The following CCSER1 variants were observed in gnomAD, a reference collection of about 807,000 sequenced individuals.
The protein encoded by CCSER1 is coiled-coil serine rich protein 1, also known as serine-rich coiled-coil domain-containing protein 1.
Under a neutral mutation model 82.0 loss-of-function variants are expected in CCSER1, and 41 were observed. The observed-to-expected ratio is 0.50, with a 90% confidence interval of 0.39 to 0.65. The LOEUF (loss-of-function observed/expected upper bound fraction) is 0.65, where lower values mean the gene tolerates loss of function less well. Among genes scored for constraint, CCSER1 ranks in the 30% least tolerant of loss-of-function variants. The probability of loss-of-function intolerance (pLI) is 0.00; values close to 1 mark genes in which losing one functional copy is unlikely to be tolerated. For missense variants in CCSER1, 1,119 were observed against 1,064.2 expected, an observed-to-expected ratio of 1.05 and a Z score of -0.72; for synonymous variants, 414 against 383.9, an observed-to-expected ratio of 1.08 and a Z score of -0.92.
intron 3 of CCSER1, among the ~76,000 whole-genome samples, chr4:90,374,870 A>T (rs1349476474): frequency 6.6e-6 from 1 of 152,118 alleles, no homozygotes; most frequent in African/African-American, 2.4e-5. Context: ...TACCAAAAAA[A>T]CCCCAATAAT....
chr4:90,704,800 C>T (rs542473459), intron 6 of CCSER1, among the ~76,000 whole-genome samples: 7 of 152,280 alleles, frequency 4.6e-5, no homozygotes, highest in African/African-American at 1.7e-4. Context: ...TCACGTAGTT[C>T]TCATGGCATG....
At chr4:91,193,093 T>C (rs1048060275) in intron 10 of CCSER1, among the ~76,000 whole-genome samples, 1 of 152,218 alleles carries the variant, frequency 6.6e-6, no homozygotes, top group Non-Finnish European at 1.5e-5. Flanking sequence ...TGTGTCTTTT[T>C]TTTCAACCCT....
intron 8 of CCSER1, among the ~76,000 whole-genome samples, chr4:90,861,977 T>C (rs1765163043): frequency 6.7e-6 from 1 of 148,714 alleles, no homozygotes; most frequent in Non-Finnish European, 1.5e-5. Context: ...ATTGGTGGGA[T>C]TGGAGTGGTA....
At chr4:90,229,659 A>G (rs1292356564) in intron 1 of CCSER1, among the ~76,000 whole-genome samples, 1 of 152,242 alleles carries the variant, frequency 6.6e-6, no homozygotes, top group African/African-American at 2.4e-5. Flanking sequence ...TGCTCCAATT[A>G]AAAGACACAG....
intron 8 of CCSER1, among the ~76,000 whole-genome samples, chr4:90,849,657 C>T (rs1465819941): frequency 9.2e-5 from 14 of 151,738 alleles, no homozygotes; most frequent in Admixed American, 3.9e-4. Flanking sequence ...GATGTGGTGG[C>T]AGGCGCCTGT....
At chr4:90,404,263 C>T (rs1177598128) in intron 4 of CCSER1, 3 of 152,202 alleles carry the variant, frequency 2.0e-5, no homozygotes, top group African/African-American at 7.2e-5. Flanking sequence ...AATATAACTC[C>T]ACTGGTCTGG....
chr4:91,545,290 C>A (rs1030377785), intron 10 of CCSER1, among the ~76,000 whole-genome samples: 11 of 152,060 alleles, frequency 7.2e-5, no homozygotes, highest in Non-Finnish European at 1.5e-4. Context: ...TGAGGTGATG[C>A]CCCGCCCTGC....
chr4:90,836,219 C>T (rs551554605), intron 8 of CCSER1, among the ~76,000 whole-genome samples: 101 of 152,158 alleles, frequency 6.6e-4, no homozygotes, highest in Non-Finnish European at 1.3e-3. Flanking sequence ...TTAATAATAA[C>T]GACAAAAACA....
At chr4:91,481,058 T>TCCCTTCCCC (rs1757881938) in intron 10 of CCSER1, among the ~76,000 whole-genome samples, 2 of 39,722 alleles carry the variant, frequency 5.0e-5, no homozygotes, top group African/African-American at 2.0e-4. Flanking sequence ...ACCCCTGCCC[T>TCCCTTCCCC]CCCTTCCCCT....
At chr4:91,113,850 A>ATTT (rs34946872) in intron 10 of CCSER1, among the ~76,000 whole-genome samples, 4 of 146,070 alleles carry the variant, frequency 2.7e-5, no homozygotes, top group Admixed American at 1.4e-4. Flanking sequence ...TGATATCTAC[A>ATTT]TTTTTTTTTT....
intron 1 of CCSER1, among the ~76,000 whole-genome samples, chr4:90,193,925 A>T (rs1736122412): frequency 6.6e-6 from 1 of 152,082 alleles, no homozygotes. Flanking sequence ...TATTTAACAT[A>T]TTTGGTGGGC....
chr4:91,592,740 A>G (rs1186434863), intron 10 of CCSER1, among the ~76,000 whole-genome samples: 1 of 151,932 alleles, frequency 6.6e-6, no homozygotes, highest in African/African-American at 2.4e-5. Context: ...TTTTCTAAGT[A>G]TAATACCAGT....
chr4:91,426,045 C>A (rs1753949542), intron 10 of CCSER1, among the ~76,000 whole-genome samples: 1 of 152,124 alleles, frequency 6.6e-6, no homozygotes, highest in Non-Finnish European at 1.5e-5. Flanking sequence ...CCTAGCCCCC[C>A]ACATCCCAAT....
At chr4:90,194,438 C>T (rs1277549101) in intron 1 of CCSER1, among the ~76,000 whole-genome samples, 1 of 151,940 alleles carries the variant, frequency 6.6e-6, no homozygotes, top group Non-Finnish European at 1.5e-5. Flanking sequence ...CAGATAGGTA[C>T]ACTCTGTCTT....
At chr4:90,827,386 C>G (rs1269974393) in intron 8 of CCSER1, among the ~76,000 whole-genome samples, 1 of 152,092 alleles carries the variant, frequency 6.6e-6, no homozygotes, top group Non-Finnish European at 1.5e-5. Flanking sequence ...AACTTCAGAC[C>G]ACAGACATCC....
At chr4:91,075,512 A>C (rs982662887) in intron 9 of CCSER1, among the ~76,000 whole-genome samples, 1 of 152,148 alleles carries the variant, frequency 6.6e-6, no homozygotes, top group Admixed American at 6.6e-5. Context: ...AATTCTGTGA[A>C]TCTTATATTA....
chr4:90,205,877 T>A (rs558227710), intron 1 of CCSER1, among the ~76,000 whole-genome samples: 31 of 152,214 alleles, frequency 2.0e-4, no homozygotes, highest in Non-Finnish European at 3.5e-4. Flanking sequence ...ATTTCAGAAC[T>A]TTTTATTGGT....
chr4:90,941,403 A>ATATGATTT (rs1287874828), intron 9 of CCSER1, among the ~76,000 whole-genome samples: 1 of 152,152 alleles, frequency 6.6e-6, no homozygotes, highest in Non-Finnish European at 1.5e-5. Context: ...TATGATATAC[A>ATATGATTT]TATGATTTTA....
chr4:91,180,976 A>C (rs1347558938), intron 10 of CCSER1, among the ~76,000 whole-genome samples: 3 of 152,246 alleles, frequency 2.0e-5, no homozygotes, highest in Non-Finnish European at 4.4e-5. Context: ...TCCTTAAGGC[A>C]CAGATCACTC....
Sources: gnomAD v4.1 joint callset for allele counts (sites outside exome capture counted in the v4.1 genomes callset) on GRCh38, gnomAD v4.1.1 for gene constraint, MANE v1.5 for transcripts, NCBI Gene and HGNC (gene_info 2026-07-23, HGNC 2026-07-21) for gene names.